BMERB1: variants seen among roughly 807,000 people sequenced by gnomAD.
The protein encoded by BMERB1 is bMERB domain-containing protein 1.
A neutral mutation model predicts 23.6 loss-of-function variants in BMERB1; 12 were observed. The ratio of observed to expected loss-of-function variants is 0.51; its 90% CI spans 0.33 to 0.82. BMERB1 has a LOEUF of 0.82. Among genes scored for constraint, BMERB1 ranks in the 40% least tolerant of loss-of-function variants. BMERB1 has a pLI of 0.03. For synonymous variants in BMERB1, 122 were observed against 96.6 expected (o/e 1.26, Z -1.54); for missense variants, 247 against 255.4 (o/e 0.97, Z 0.22).
At chr16:15,457,625 C>G (rs1317096628) in intron 1 of BMERB1, among the ~76,000 whole-genome samples, 2 of 152,176 alleles carry the variant, frequency 1.3e-5, no homozygotes, top group African/African-American at 4.8e-5. Context: ...GTTCTCACCT[C>G]CTTTCATTGC....
chr16:15,448,054 T>C (rs963731078), intron 1 of BMERB1: 4 of 383,780 alleles, frequency 1.0e-5, no homozygotes, highest in African/African-American at 8.4e-5. Context: ...CATGCCCAGC[T>C]AATTTTTGTA....
At chr16:15,580,036 A>G (rs2030967860) in intron 3 of BMERB1, among the ~76,000 whole-genome samples, 1 of 152,064 alleles carries the variant, frequency 6.6e-6, no homozygotes, top group South Asian at 2.1e-4. Context: ...TATTAAGCCC[A>G]GCATGCATTA....
chr16:15,497,027 A>G (rs2150941573), intron 1 of BMERB1, among the ~76,000 whole-genome samples: 1 of 152,332 alleles, frequency 6.6e-6, no homozygotes, highest in South Asian at 2.1e-4. Flanking sequence ...TAGAAGCTAG[A>G]AAAGGCAAGG....
chr16:15,511,392 A>T, intron 1 of BMERB1, among the ~76,000 whole-genome samples: 1 of 152,128 alleles, frequency 6.6e-6, no homozygotes, highest in East Asian at 1.9e-4. Context: ...TTTAGAAGGC[A>T]AGGAGGAGGT....
At chr16:15,509,461 A>G (rs976992562) in intron 1 of BMERB1, among the ~76,000 whole-genome samples, 2 of 152,206 alleles carry the variant, frequency 1.3e-5, no homozygotes, top group East Asian at 3.8e-4. Context: ...ATAGAGATTA[A>G]ATGAGATAAT....
At chr16:15,484,081 T>C (rs532650112) in intron 1 of BMERB1, among the ~76,000 whole-genome samples, 2 of 152,128 alleles carry the variant, frequency 1.3e-5, no homozygotes, top group Non-Finnish European at 2.9e-5. Context: ...GCCAGCTTCT[T>C]TAACAGCCAG....
In BMERB1 at chr16:15,515,195, C is replaced by T. The variant is rs1166059471; in HGVS notation, c.107-110C>T. Reference sequence around the variant, plus strand: ...TGTGGCACAGGCTGAAGTCTGTCCTCAAGGTGTATGATGGTCGCAGAGCAA... The same window carrying T: ...TGTGGCACAGGCTGAAGTCTGTCCTTAAGGTGTATGATGGTCGCAGAGCAA... On this transcript the variant is annotated intron_variant, in intron 1 of 5. Transcript: ENST00000300006. The T allele has an allele frequency of 4.1e-6, 6 of 1,469,184 alleles. No individual in the cohort carries two copies. The African/African-American group carries it at 5.7e-5, about 14-fold the overall frequency. The allele number at this position is 1,469,184 out of a possible 1,614,324, so 91.0% of individuals were successfully genotyped here.
intron 2 of BMERB1, among the ~76,000 whole-genome samples, chr16:15,530,910 T>C (rs2051961078): frequency 6.8e-6 from 1 of 146,510 alleles, no homozygotes; most frequent in Admixed American, 6.8e-5. Context: ...TTTCTTTTTT[T>C]TTTTTTTTTT....
intron 1 of BMERB1, among the ~76,000 whole-genome samples, chr16:15,485,123 A>T (rs1408534957): frequency 6.6e-6 from 1 of 152,234 alleles, no homozygotes; most frequent in Non-Finnish European, 1.5e-5. Flanking sequence ...ACTGAGTATT[A>T]TTGCCTCAAC....
intron 1 of BMERB1, among the ~76,000 whole-genome samples, chr16:15,467,703 T>G (rs1410189686): frequency 6.6e-6 from 1 of 152,222 alleles, no homozygotes; most frequent in Non-Finnish European, 1.5e-5. Flanking sequence ...TTGAAGATAC[T>G]TATTCTGAGC....
chr16:15,552,409 C>T (rs1031621447), intron 2 of BMERB1, among the ~76,000 whole-genome samples: 19 of 151,646 alleles, frequency 1.3e-4, no homozygotes, highest in African/African-American at 3.2e-4. Context: ...CACTGCACTC[C>T]GGCCTGGGCG....
intron 1 of BMERB1, among the ~76,000 whole-genome samples, chr16:15,494,738 G>C (rs184878717): frequency 6.6e-6 from 1 of 152,140 alleles, no homozygotes; most frequent in East Asian, 1.9e-4. Flanking sequence ...CTTGAGTAAC[G>C]CATAAACTGA....
chr16:15,581,421 CA>C (rs1453824150), intron 4 of BMERB1, 90 bp downstream of exon 4: 2 of 1,057,678 alleles, frequency 1.9e-6, no homozygotes, highest in Non-Finnish European at 2.8e-6. Context: ...CTGGGACTCA[CA>C]GCCTTGCCTA....
chr16:15,461,087 T>C (rs1027981831), intron 1 of BMERB1, among the ~76,000 whole-genome samples: 2 of 147,962 alleles, frequency 1.4e-5, no homozygotes, highest in African/African-American at 2.5e-5. Flanking sequence ...ATTGCACCAG[T>C]GCACTCCAGC....
At chr16:15,518,006 T>G (rs1025312635) in intron 2 of BMERB1, among the ~76,000 whole-genome samples, 2 of 151,790 alleles carry the variant, frequency 1.3e-5, no homozygotes, top group African/African-American at 2.4e-5. Flanking sequence ...TGTGGATGTG[T>G]GTGTGGGTGT....
At chr16:15,501,446 C>G (rs960137690) in intron 1 of BMERB1, among the ~76,000 whole-genome samples, 1 of 151,868 alleles carries the variant, frequency 6.6e-6, no homozygotes, top group Non-Finnish European at 1.5e-5. Context: ...TCACCTGCCA[C>G]CATGCCCAGT....
chr16:15,436,619 C>T (rs554499564), intron 1 of BMERB1, among the ~76,000 whole-genome samples: 1 of 152,178 alleles, frequency 6.6e-6, no homozygotes, highest in African/African-American at 2.4e-5. Flanking sequence ...GTTGTGCTAT[C>T]AGATACTAGA....
At chr16:15,579,949 T>G (rs377441160) in intron 3 of BMERB1, among the ~76,000 whole-genome samples, 12 of 152,336 alleles carry the variant, frequency 7.9e-5, no homozygotes, top group African/African-American at 2.9e-4. Context: ...CAATTTAGTA[T>G]GCAGGATGTG....
In BMERB1 at chr16:15,517,907, GTGTA is replaced by G. The variant is rs1175541830; in HGVS notation, c.230+2483_230+2486del. On this transcript the variant is annotated intron_variant, in intron 2 of 5. Coordinates refer to ENST00000300006, the MANE Select transcript of BMERB1 (RefSeq NM_033201.3). The stretch of plus-strand genomic sequence containing the variant: ...GATGTGTGTGTGTGGATCTGTGTGT[GTGTA>G]TGTGTGTGTGAGGATGTGTGTGTGC... 1.6e-4 allele frequency among the ~76,000 whole-genome samples: 23 copies of G among 143,334 alleles called. No homozygotes were observed. The South Asian group carries it at 3.0e-3, about 19-fold the overall frequency. 94.0% of individuals were successfully genotyped at this position (143,334 alleles called of 152,430 possible).
Sources: allele counts gnomAD v4.1 joint callset (sites outside exome capture counted in the v4.1 genomes callset), GRCh38; gene constraint gnomAD v4.1.1; transcripts MANE v1.5; gene names NCBI Gene and HGNC (gene_info 2026-07-23, HGNC 2026-07-21).